The following CUX1 variants were observed in gnomAD, a reference collection of about 807,000 sequenced individuals.
CUX1 encodes protein CASP.
CUX1 carries 31 observed loss-of-function variants against 158.8 expected under a neutral mutation model. That is an observed-to-expected ratio of 0.20 (90% CI 0.15 to 0.26). The LOEUF is 0.26. Among genes scored for constraint, CUX1 ranks in the 10% least tolerant of loss-of-function variants. The pLI, the probability that CUX1 is intolerant of heterozygous loss-of-function variation, is 1.00. For missense variants in CUX1, 1,589 were observed against 2,014.6 expected (o/e 0.79, Z 4.04); for synonymous variants, 879 against 862.1 (o/e 1.02, Z -0.34).
intron 1 of CUX1, among the ~76,000 whole-genome samples, chr7:101,889,844 A>G (rs6957294): frequency 0.43 from 65,564 of 152,162 alleles, 14,737 homozygotes; most frequent in African/African-American, 0.52. Context: ...GGAAGAGGGA[A>G]CTCTGCAGTT....
intron 1 of CUX1, among the ~76,000 whole-genome samples, chr7:101,857,946 A>G (rs1298978123): frequency 2.0e-5 from 3 of 152,100 alleles, no homozygotes; most frequent in South Asian, 2.1e-4. Flanking sequence ...AACATGGTGA[A>G]ACCCCGTCTC....
chr7:101,887,845 T>C (rs1440243774), intron 1 of CUX1, among the ~76,000 whole-genome samples: 107 of 45,478 alleles, frequency 2.4e-3, no homozygotes, highest in Non-Finnish European at 3.8e-3. Context: ...ACGGTGACAT[T>C]TTTTTTTTTT....
Position 102,196,775 on chromosome 7 carries a change from G to A in CUX1, c.1364G>A (p.Gly455Glu), listed in dbSNP as rs2131981200. The change falls in exon 15 of 24, where the codon GGG becomes GAG. Residue 455 changes from glycine (G) to glutamate (E), a missense_variant. This residue lies in a region of CUX1 where 515 missense variants were observed against 574.4 expected (regional missense o/e 0.90). Coordinates refer to ENST00000292535, the MANE Select transcript of CUX1 (RefSeq NM_181552.4). ...GGTACACACCAGTTCTCACCAGCGG[G>A]GTTAAGTCAAGACTTTTTCAGCTCA... ...TNGTHQFSPA[G>E]LSQDFFSSSL... 1 of 1,614,082 alleles carries A rather than the reference G, an allele frequency of 6.2e-7. No individual in the cohort carries two copies. The highest frequency in any genetic ancestry group is 2.2e-5 in the East Asian group (1 of 44,870).
intron 23 of CUX1, among the ~76,000 whole-genome samples, chr7:102,242,441 C>T (rs911175839): frequency 1.3e-5 from 2 of 152,190 alleles, no homozygotes; most frequent in South Asian, 4.2e-4. Context: ...AAACTCTTGA[C>T]CTCAAGTGAT....
At chr7:102,152,694 C>A (rs1366520647) in intron 8 of CUX1, among the ~76,000 whole-genome samples, 2 of 152,206 alleles carry the variant, frequency 1.3e-5, no homozygotes, top group African/African-American at 2.4e-5. Flanking sequence ...ATCTGGCCGA[C>A]TTTTAAAATA....
At chr7:101,904,692 C>T (rs1399367290) in intron 1 of CUX1, among the ~76,000 whole-genome samples, 2 of 151,816 alleles carry the variant, frequency 1.3e-5, no homozygotes, top group Non-Finnish European at 2.9e-5. Context: ...CCTCAGCCTC[C>T]CAAGTAGCTG....
chr7:101,938,270 A>C (rs1807186849), intron 2 of CUX1, among the ~76,000 whole-genome samples: 1 of 151,782 alleles, frequency 6.6e-6, no homozygotes, highest in African/African-American at 2.4e-5. Flanking sequence ...GTGCCACCAC[A>C]CCCAGCTAAT....
intron 2 of CUX1, chr7:101,961,745 A>G: frequency 6.6e-6 from 1 of 152,094 alleles, no homozygotes; most frequent in Non-Finnish European, 1.5e-5. Context: ...GCGTGGTGGC[A>G]GGTGCCTGTA....
At chr7:102,155,116 A>G (rs1405766838) in intron 8 of CUX1, among the ~76,000 whole-genome samples, 2 of 152,202 alleles carry the variant, frequency 1.3e-5, no homozygotes, top group Admixed American at 6.5e-5. Flanking sequence ...GCACCAGGAA[A>G]CTTTTAGGGG....
rs2529116 is a variant in CUX1 at position 102,256,830 on chromosome 7, G to C, written c.*7788G>C. On this transcript the variant is annotated 3_prime_UTR_variant, in exon 24 of 24. Transcript: ENST00000292535. ...CCTCCAAGCGAGAGAGTGATTTCTTGCAAGGCCCGCATGGGTTGATACGTT... is the reference window on the plus strand; with the variant it reads ...CCTCCAAGCGAGAGAGTGATTTCTTCCAAGGCCCGCATGGGTTGATACGTT... The C allele has an allele frequency of 0.94, 928,184 of 985,394 alleles. 437,290 individuals carry two copies. The highest frequency in any genetic ancestry group is 0.98 in the East Asian group (8,640 of 8,822). 61.0% of individuals were successfully genotyped at this position (985,394 alleles called of 1,614,324 possible).
chr7:101,994,291 C>T (rs974355620), intron 2 of CUX1, among the ~76,000 whole-genome samples: 5 of 152,212 alleles, frequency 3.3e-5, no homozygotes, highest in African/African-American at 1.2e-4. Context: ...GCCAGCTTTG[C>T]ACACCTTTAA....
chr7:102,075,203 G>A (rs1363792101), intron 4 of CUX1, among the ~76,000 whole-genome samples: 1 of 152,150 alleles, frequency 6.6e-6, no homozygotes, highest in Non-Finnish European at 1.5e-5. Flanking sequence ...CCAACCTCTA[G>A]GATGTCTCAA....
At chr7:102,041,631 A>T (rs1374716079) in intron 3 of CUX1, among the ~76,000 whole-genome samples, 1 of 149,052 alleles carries the variant, frequency 6.7e-6, no homozygotes, top group Non-Finnish European at 1.5e-5. Flanking sequence ...TCCTCTTCTC[A>T]TCTCTAATAG....
intron 9 of CUX1, among the ~76,000 whole-genome samples, chr7:102,168,413 C>T (rs1232507231): frequency 1.3e-5 from 2 of 151,952 alleles, no homozygotes; most frequent in Non-Finnish European, 2.9e-5. Flanking sequence ...TTTGGGAGGC[C>T]GAGGCAGGCA....
intron 20 of CUX1, among the ~76,000 whole-genome samples, chr7:102,226,866 G>T (rs1317862866): frequency 6.6e-6 from 1 of 152,160 alleles, no homozygotes; most frequent in Non-Finnish European, 1.5e-5. Context: ...CCTGACCTTA[G>T]ATGATCCACT....
chr7:102,191,394 G>T (rs868908480), intron 12 of CUX1, among the ~76,000 whole-genome samples: 1 of 151,958 alleles, frequency 6.6e-6, no homozygotes, highest in African/African-American at 2.4e-5. Context: ...CCACCACCCC[G>T]GGCTAATTTT....
chr7:101,816,966 C>T, upstream of CUX1: 1 of 983,590 alleles, frequency 1.0e-6, no homozygotes, highest in Non-Finnish European at 1.2e-6. Context: ...GGGCCACCCG[C>T]GCACCTCGCG....
intron 4 of CUX1, among the ~76,000 whole-genome samples, chr7:102,094,321 C>A (rs1554483286): frequency 6.6e-6 from 1 of 152,162 alleles, no homozygotes; most frequent in Admixed American, 6.6e-5. Flanking sequence ...TTAGCTCATC[C>A]TTTAGTCTGT....
intron 1 of CUX1, among the ~76,000 whole-genome samples, chr7:101,858,827 G>A (rs937484175): frequency 2.0e-5 from 3 of 151,904 alleles, no homozygotes; most frequent in East Asian, 1.9e-4. Flanking sequence ...TACCATGCTC[G>A]GCTAATTTTT....
Sources: allele counts gnomAD v4.1 joint callset (sites outside exome capture counted in the v4.1 genomes callset), GRCh38; gene constraint gnomAD v4.1.1; regional missense constraint gnomAD v4.1.1; transcripts MANE v1.5; gene names NCBI Gene and HGNC (gene_info 2026-07-23, HGNC 2026-07-21).